The following WNT8A variants were observed in gnomAD, a reference collection of about 807,000 sequenced individuals.
WNT8A encodes Wnt family member 8A, also known as protein Wnt-8a.
In WNT8A, 14 loss-of-function variants were observed where a neutral mutation model predicts 20.5. The observed-to-expected ratio is 0.68, with a 90% CI of 0.45 to 1.07. The LOEUF (loss-of-function observed/expected upper bound fraction) is 1.07. Ranked by LOEUF, WNT8A falls within the 50% of genes least tolerant of loss-of-function variation. WNT8A has a pLI of 0.00. For synonymous variants in WNT8A, 167 were observed against 169.2 expected (o/e 0.99, Z 0.10); for missense variants, 397 against 462.9 (o/e 0.86, Z 1.31).
At chr5:138,077,393 T>C in the WNT8A span, among the ~76,000 whole-genome samples, 1 of 152,186 alleles carries the variant, frequency 6.6e-6, no homozygotes, top group South Asian at 2.1e-4. Context: ...TTAAAAATAA[T>C]TTAAACTTCT....
chr5:138,088,078 C>T, intron 3 of WNT8A, 147 bp downstream of exon 3: 1 of 1,251,250 alleles, frequency 8.0e-7, no homozygotes, highest in East Asian at 2.5e-5. Context: ...GATCTCCTAG[C>T]CTTACACTCT....
chr5:138,087,701 A>G (rs1750715448), intron 2 of WNT8A, 105 bp from the exon 3 acceptor site: 1 of 1,102,220 alleles, frequency 9.1e-7, no homozygotes, highest in Non-Finnish European at 1.3e-6. Flanking sequence ...CTTAAACCCA[A>G]AGGAAGTGGG....
intron 3 of WNT8A, among the ~76,000 whole-genome samples, chr5:138,088,514 A>G (rs1561576584): frequency 1.3e-5 from 2 of 151,756 alleles, no homozygotes; most frequent in South Asian, 2.1e-4. Flanking sequence ...CCGCCACCAC[A>G]CTCGGCTAAT....
In WNT8A at chr5:138,084,682, T is replaced by C. The variant is rs770707996; in HGVS notation, c.295+46T>C. ...CCTGTACAAGGGGTATATATGTGAA[T>C]GGAGTGGGGCTTGCAGTATGTGTAT... On this transcript the variant is annotated intron_variant, in intron 2 of 4. Transcript: ENST00000506684. 7.1e-6 allele frequency: 11 copies of C among 1,551,608 alleles called. No homozygotes were observed. The East Asian group carries it at 2.3e-4, about 32-fold the overall frequency.
rs1446607272 is a variant in WNT8A at position 138,090,572 on chromosome 5, C to A, written c.609C>A (p.Ile203=). The A allele has an allele frequency of 6.2e-7, 1 of 1,614,148 alleles. No homozygotes were observed. The highest frequency in any genetic ancestry group is 1.1e-5 in the South Asian group (1 of 91,064). The change falls in exon 5 of 5, where the codon ATC becomes ATA. Residue 203 remains isoleucine, a synonymous_variant. Transcript: ENST00000506684. ...TMKRTCKCHG[I]SGSCSIQTCW... ...AAAGGACATGCAAATGTCATGGCAT[C>A]TCTGGGAGCTGCAGCATACAGACAT...
In WNT8A at chr5:138,084,572, T is replaced by C. The variant is rs1448708556; in HGVS notation, c.231T>C (p.Ala77=). 5 of 1,613,904 alleles carry C rather than the reference T, an allele frequency of 3.1e-6. No homozygotes were observed. Among genetic ancestry groups the C allele is most frequent in the Non-Finnish European group, 3.4e-6 (4 of 1,179,898 alleles). Residue 77 remains alanine (A), a synonymous_variant, in exon 2 of 5, where the codon GCT becomes GCC. Transcript: ENST00000506684. The stretch of plus-strand genomic sequence containing the variant: ...TCGAGGAGTGCAAGTTCCAGTTTGC[T>C]TGGGAACGCTGGAACTGCCCTGAAA... ...SGIEECKFQF[A]WERWNCPENA...
chr5:138,089,379 CTTAAATT>C (rs1308209982), intron 4 of WNT8A, among the ~76,000 whole-genome samples: 2 of 152,180 alleles, frequency 1.3e-5, no homozygotes, highest in African/African-American at 4.8e-5. Context: ...GCTTCTATGA[CTTAAATT>C]TTTATCACTT....
chr5:138,083,910 C>T, upstream of WNT8A: 1 of 550,100 alleles, frequency 1.8e-6, no homozygotes. Flanking sequence ...CTCCCAGATC[C>T]CCCACTGGGC....
chr5:138,082,795 C>T (rs1223627860), upstream of WNT8A, among the ~76,000 whole-genome samples: 4 of 151,352 alleles, frequency 2.6e-5, no homozygotes, highest in Non-Finnish European at 4.4e-5. Flanking sequence ...GAGAATTGCT[C>T]GATCCCAGGA....
chr5:138,079,962 T>C (rs995764740), upstream of WNT8A, among the ~76,000 whole-genome samples: 1 of 152,176 alleles, frequency 6.6e-6, no homozygotes, highest in Non-Finnish European at 1.5e-5. Context: ...GAAGAAGGCA[T>C]TGGTTATCCT....
intron 2 of WNT8A, among the ~76,000 whole-genome samples, chr5:138,086,544 T>A (rs1009935852): frequency 1.3e-5 from 2 of 151,986 alleles, no homozygotes; most frequent in African/African-American, 4.8e-5. Context: ...TTGGTTAACA[T>A]AGGGATGTTC....
intron 2 of WNT8A, among the ~76,000 whole-genome samples, chr5:138,086,390 G>A (rs948225330): frequency 3.3e-5 from 5 of 151,634 alleles, no homozygotes; most frequent in Admixed American, 6.6e-5. Flanking sequence ...GCTAATTTTT[G>A]TATTTTTTGT....
Position 138,091,010 on chromosome 5 carries a change from G to T in WNT8A, c.1047G>T (p.Val349=). The T allele has an allele frequency of 3.1e-6, 5 of 1,614,138 alleles. No homozygotes were observed. Among genetic ancestry groups the T allele is most frequent in the Non-Finnish European group, 4.2e-6 (5 of 1,180,040 alleles). The change falls in exon 5 of 5, where the codon GTG becomes GTT. Residue 349 remains valine (V), a synonymous_variant. Coordinates refer to ENST00000506684, the MANE Select transcript of WNT8A (RefSeq NM_001300939.2). ...AGTGTGACCAGTGTAGGCATGTGGTGAGCAAGTATTACTGCGCACGCTCCC... is the reference window on the plus strand; with the variant it reads ...AGTGTGACCAGTGTAGGCATGTGGTTAGCAAGTATTACTGCGCACGCTCCC... ...TVKCDQCRHV[V]SKYYCARSPG... is the part of the protein sequence containing the mutation.
At chr5:138,079,767 T>C (rs1581350693), upstream of WNT8A, among the ~76,000 whole-genome samples, 1 of 152,302 alleles carries the variant, frequency 6.6e-6, no homozygotes, top group East Asian at 1.9e-4. Context: ...GTTGGATCAT[T>C]ACTTAAAAGC....
intron 2 of WNT8A, among the ~76,000 whole-genome samples, chr5:138,085,591 A>G (rs1478537597): frequency 6.6e-6 from 1 of 152,116 alleles, no homozygotes; most frequent in African/African-American, 2.4e-5. Flanking sequence ...AACCATGCCT[A>G]TAATCCCAGC....
Position 138,088,994 on chromosome 5 carries a change from C to T in WNT8A, c.489C>T (p.Leu163=), listed in dbSNP as rs888954038. 2 of 1,613,972 alleles carry T rather than the reference C, an allele frequency of 1.2e-6. No individual in the cohort carries two copies. The highest frequency in any genetic ancestry group is 1.1e-5 in the South Asian group (1 of 91,074). ...AATTTGGGGAAAGGATCTCCAAACT[C>T]TTTGTGGACAGTTTGGAGAAGGGGA... ...NVEFGERISK[L]FVDSLEKGKD... is the part of the protein sequence containing the mutation. The change falls in exon 4 of 5, where the codon CTC becomes CTT. Residue 163 remains leucine (L), a synonymous_variant. Transcript: ENST00000506684.
upstream of WNT8A, among the ~76,000 whole-genome samples, chr5:138,080,788 T>C (rs1418617521): frequency 2.0e-5 from 3 of 151,990 alleles, no homozygotes; most frequent in South Asian, 4.1e-4. Context: ...TCTTTAGTGG[T>C]CATTCAACCT....
chr5:138,085,320 G>A (rs568114472), intron 2 of WNT8A, among the ~76,000 whole-genome samples: 22 of 152,314 alleles, frequency 1.4e-4, no homozygotes, highest in Admixed American at 5.2e-4. Flanking sequence ...AATAAAAATG[G>A]GGAAAGGGCT....
At chr5:138,083,097 C>T (rs1440908454), upstream of WNT8A, among the ~76,000 whole-genome samples, 4 of 151,684 alleles carry the variant, frequency 2.6e-5, no homozygotes. Flanking sequence ...GGCTGGCCAA[C>T]TGGCGAAACC....
Sources: allele counts gnomAD v4.1 joint callset (sites outside exome capture counted in the v4.1 genomes callset), GRCh38; gene constraint gnomAD v4.1.1; transcripts MANE v1.5; gene names NCBI Gene and HGNC (gene_info 2026-07-23, HGNC 2026-07-21).